Variants in NRL observed in about 807,000 individuals in gnomAD.
NRL encodes neural retina-specific leucine zipper protein.
In NRL, 16 loss-of-function variants were observed where a neutral mutation model predicts 12.5. The observed-to-expected ratio is 1.28, with a 90% confidence interval of 0.87 to 1.95. The LOEUF is 1.95. Ranked by LOEUF, NRL falls within the 30% of genes most tolerant of loss-of-function variation. NRL has a pLI of 0.00. For missense variants in NRL, 314 were observed against 325.8 expected, an observed-to-expected ratio of 0.96 and a Z score of 0.28; for synonymous variants, 142 against 150.9, an observed-to-expected ratio of 0.94 and a Z score of 0.43.
chr14:24,104,484 A>G (rs1002105423), intron 1 of NRL, among the ~76,000 whole-genome samples: 1 of 151,808 alleles, frequency 6.6e-6, no homozygotes, highest in Non-Finnish European at 1.5e-5. Context: ...AAAAAAAAAA[A>G]AAAAATTAAC....
chr14:24,096,790 C>T (rs1259719478), intron 1 of NRL: 3 of 983,716 alleles, frequency 3.0e-6, no homozygotes, highest in Admixed American at 3.7e-5. Context: ...TGCATGCAGA[C>T]ATGTTTTAGC....
rs759687732 is a variant in NRL, at chr14:24,103,717, G to A, written c.-28+11005C>T. 3 of 1,614,094 alleles carry A rather than the reference G, an allele frequency of 1.9e-6. No homozygotes were observed. The East Asian group carries it at 6.7e-5, about 36-fold the overall frequency. On this transcript the variant is annotated intron_variant, in intron 1 of 2. Transcript: ENST00000561028. ...AATGCTCGGGTGCTAGACTGGATCT[G>A]CCGGCGGTTAGAGGGGGAGGACAGT...
chr14:24,106,727 A>AT (rs1555342827), intron 1 of NRL, among the ~76,000 whole-genome samples: 23 of 146,748 alleles, frequency 1.6e-4, no homozygotes, highest in East Asian at 8.0e-4. Context: ...TCTCAAAAAA[A>AT]AAATAAATAA....
chr14:24,098,310 G>C, intron 1 of NRL: 2 of 1,614,106 alleles, frequency 1.2e-6, no homozygotes, highest in Non-Finnish European at 1.7e-6. Context: ...GGTGGGGCCC[G>C]TGGGCAGCTG....
intron 1 of NRL, chr14:24,099,793 C>T: frequency 1.3e-6 from 2 of 1,527,014 alleles, no homozygotes; most frequent in South Asian, 2.3e-5. Context: ...CTAGTGTTCA[C>T]AATGACTTTG....
At chr14:24,092,029 C>CT (rs1445404939) in intron 1 of NRL, among the ~76,000 whole-genome samples, 1 of 152,172 alleles carries the variant, frequency 6.6e-6, no homozygotes, top group Non-Finnish European at 1.5e-5. Flanking sequence ...GCAAATGACT[C>CT]TTTAAGCCCG....
At position 24,080,041 on chromosome 14, in the gene NRL, T is replaced by G. The variant is rs1178612755; in HGVS notation, c.*1195A>C. ...GTGGGGACTTCCCTTTTTCTTGCTCTCTCTCTCTCTCCCTCTCTCTCCCTC... is the reference window on the plus strand; with the variant it reads ...GTGGGGACTTCCCTTTTTCTTGCTCGCTCTCTCTCTCCCTCTCTCTCCCTC... On this transcript the variant is annotated 3_prime_UTR_variant, in exon 3 of 3. Transcript: ENST00000561028. 1.3e-5 allele frequency: 2 copies of G among 152,394 alleles called. No homozygotes were observed. The highest frequency in any genetic ancestry group is 2.4e-5 in the African/African-American group (1 of 41,552). The allele number at this position is 152,394 out of a possible 1,614,324, so 9.4% of individuals were successfully genotyped here.
chr14:24,095,124 C>T (rs2036808614), intron 1 of NRL: 1 of 456,042 alleles, frequency 2.2e-6, no homozygotes, highest in South Asian at 1.5e-5. Context: ...TATTTATTCT[C>T]TGAGGCCTCT....
At chr14:24,098,382 T>C (rs748091590) in intron 1 of NRL, 2 of 1,612,404 alleles carry the variant, frequency 1.2e-6, no homozygotes, top group Non-Finnish European at 1.7e-6. Flanking sequence ...CCAGGCTGCA[T>C]GCAGGGTAAC....
intron 1 of NRL, chr14:24,103,171 GT>G: frequency 6.2e-7 from 1 of 1,613,442 alleles, no homozygotes; most frequent in South Asian, 1.1e-5. Context: ...GGTACCCCTG[GT>G]ATACGAGGCC....
At position 24,094,243 on chromosome 14, in the gene NRL, CA is replaced by C. The variant is rs2036745008; in HGVS notation, c.-27-11369del. 4 of 660,332 alleles carry C rather than the reference CA, an allele frequency of 6.1e-6. No homozygotes were observed. Among genetic ancestry groups the C allele is most frequent in the Non-Finnish European group, 1.0e-5 (4 of 391,722 alleles). 40.9% of individuals were successfully genotyped at this position (660,332 alleles called of 1,614,324 possible). A position where few individuals can be genotyped will look rare whatever the true frequency, so the allele number is the denominator to read the frequency against. On this transcript the variant is annotated intron_variant, in intron 1 of 2. Transcript: ENST00000561028. This position sits in a 1 kb window ranked among gnomAD's most constrained non-coding sequence, Gnocchi z 4.1. ...CAGCGGGGCGGAGGAAAGCTAGTGC[CA>C]GCCCTACCAGGTTCCGCCCCCGCGC...
intron 1 of NRL, among the ~76,000 whole-genome samples, chr14:24,096,688 G>A (rs1031012800): frequency 6.6e-6 from 1 of 152,180 alleles, no homozygotes. Flanking sequence ...CGCTGAGCAG[G>A]AGACACCCTC....
Position 24,082,583 on chromosome 14 carries a change from C to T in NRL, c.266G>A (p.Gly89Glu). The change falls in exon 2 of 3, where the codon GGG becomes GAG. Residue 89 changes from glycine to glutamate, a missense_variant. By Grantham distance (98) the Gly-to-Glu change is moderately conservative. Coordinates refer to ENST00000561028, the MANE Select transcript of NRL (RefSeq NM_001354768.3). The part of the protein sequence containing the change: ...QQQLGAGEAL[G>E]LSPEEAMELL... ...CTCCATGGCCTCTTCAGGACTCAGC[C>T]CCAATGCCTCCCCAGCCCCCAGCTG... is the stretch of plus-strand genomic sequence containing the variant. The T allele has an allele frequency of 2.5e-6, 4 of 1,613,806 alleles. No homozygotes were observed. The South Asian group carries it at 3.3e-5, about 13-fold the overall frequency.
At chr14:24,103,060 G>A (rs547327387) in intron 1 of NRL, 24 of 1,192,408 alleles carry the variant, frequency 2.0e-5, no homozygotes, top group Middle Eastern at 1.9e-4. Context: ...TGGGATAGCC[G>A]AGGTCTTAGG....
In NRL at chr14:24,114,885, G is replaced by C; in HGVS notation, c.-191C>G. Reference sequence around the variant, plus strand: ...CAGTGGCGGCAGTCGGTGTAAACAAGGCCTCGCGCCGCTGCGGGTCCTGCG... The same window carrying C: ...CAGTGGCGGCAGTCGGTGTAAACAACGCCTCGCGCCGCTGCGGGTCCTGCG... On this transcript the variant is annotated 5_prime_UTR_variant, in exon 1 of 3. Transcript: ENST00000561028. The C allele has an allele frequency of 1.0e-6, 1 of 985,948 alleles. No homozygotes were observed. The highest frequency in any genetic ancestry group is 1.2e-6 in the Non-Finnish European group (1 of 829,950). The allele number at this position is 985,948 out of a possible 1,614,324, so 61.1% of individuals were successfully genotyped here.
intron 1 of NRL, among the ~76,000 whole-genome samples, chr14:24,107,829 T>A: frequency 6.6e-6 from 1 of 152,252 alleles, no homozygotes; most frequent in East Asian, 1.9e-4. Context: ...TTCATTACCC[T>A]ATGGTATTGT....
intron 1 of NRL, among the ~76,000 whole-genome samples, chr14:24,105,657 G>T (rs2037326263): frequency 2.0e-5 from 3 of 152,228 alleles, no homozygotes; most frequent in African/African-American, 7.2e-5. Flanking sequence ...AGTGGCTCAT[G>T]CCTATAATCC....
intron 1 of NRL, among the ~76,000 whole-genome samples, chr14:24,097,565 A>G (rs1377313771): frequency 2.8e-4 from 6 of 21,334 alleles, no homozygotes; most frequent in African/African-American, 4.7e-4. Context: ...ACTCTGTCTC[A>G]AAAAAAAAAA....
At chr14:24,108,244 T>C (rs1165048302) in intron 1 of NRL, among the ~76,000 whole-genome samples, 2 of 152,244 alleles carry the variant, frequency 1.3e-5, no homozygotes, top group Admixed American at 6.5e-5. Context: ...TGTTCATTGA[T>C]ACTGGATTGG....
Sources: allele counts gnomAD v4.1 joint callset (sites outside exome capture counted in the v4.1 genomes callset), GRCh38; gene constraint gnomAD v4.1.1; non-coding constraint Gnocchi (gnomAD v3.1); transcripts MANE v1.5; gene names NCBI Gene and HGNC (gene_info 2026-07-23, HGNC 2026-07-21).